DPM1: variants seen among roughly 807,000 people sequenced by gnomAD.
DPM1 encodes dolichyl-phosphate mannosyltransferase subunit 1, catalytic.
A neutral mutation model predicts 39.0 loss-of-function variants in DPM1; 27 were observed. That is an observed-to-expected ratio of 0.69 (90% CI 0.51 to 0.95). The LOEUF is 0.95. Ranked by LOEUF, DPM1 falls within the 40% of genes least tolerant of loss-of-function variation. DPM1 has a pLI of 0.00. For synonymous variants in DPM1, 124 were observed against 109.0 expected, an observed-to-expected ratio of 1.14 and a Z score of -0.86; for missense variants, 307 against 315.6, an observed-to-expected ratio of 0.97 and a Z score of 0.21.
intron 5 of DPM1, among the ~76,000 whole-genome samples, chr20:50,943,188 T>G (rs1601036669): frequency 6.6e-6 from 1 of 151,844 alleles, no homozygotes; most frequent in African/African-American, 2.4e-5. Context: ...ACAAAAACAA[T>G]GCAAATCATG....
chr20:50,941,497 A>G (rs1985821249), intron 6 of DPM1, among the ~76,000 whole-genome samples: 1 of 150,612 alleles, frequency 6.6e-6, no homozygotes, highest in African/African-American at 2.4e-5. Context: ...AGATCACCTG[A>G]GCTCAGGAGT....
In DPM1 at chr20:50,955,172, T is replaced by G; in HGVS notation, c.261+14A>C. On this transcript the variant is annotated intron_variant, in intron 2 of 8. Coordinates refer to ENST00000371588, the MANE Select transcript of DPM1 (RefSeq NM_003859.3). ...TCACAATTCATATCACAGAAAAATG[T>G]TCTTATAACTTACAATTCTGTCTGA... 6.3e-7 allele frequency: 1 copy of G among 1,578,650 alleles called. No individual in the cohort carries two copies. The highest frequency in any genetic ancestry group is 8.7e-7 in the Non-Finnish European group (1 of 1,149,216).
At chr20:50,945,173 G>C (rs1986184990) in intron 5 of DPM1, 1 of 154,374 alleles carries the variant, frequency 6.5e-6, no homozygotes, top group African/African-American at 2.4e-5. Flanking sequence ...CCATTTATCA[G>C]AGAAGCCATC....
intron 6 of DPM1, 60 bp from the exon 7 acceptor site, chr20:50,940,993 C>A: frequency 6.9e-7 from 1 of 1,452,326 alleles, no homozygotes; most frequent in Non-Finnish European, 9.7e-7. Context: ...AAGAGAAACA[C>A]ATCGAAGAAC....
intron 6 of DPM1, 47 bp downstream of exon 6, chr20:50,941,984 A>G: frequency 1.3e-6 from 2 of 1,489,266 alleles, no homozygotes. Context: ...CTATGAATAC[A>G]TTTCCAGTAG....
intron 3 of DPM1, among the ~76,000 whole-genome samples, chr20:50,947,771 G>A (rs558031056): frequency 6.6e-6 from 1 of 152,234 alleles, no homozygotes; most frequent in African/African-American, 2.4e-5. Context: ...TGGGATTATA[G>A]ATGCGCGTCA....
rs1414358670 is a variant in DPM1 at position 50,934,990 on chromosome 20, T to A, written c.*142A>T. On this transcript the variant is annotated 3_prime_UTR_variant, in exon 9 of 9. Coordinates refer to ENST00000371588, the MANE Select transcript of DPM1 (RefSeq NM_003859.3). ...AAATTATTTAATTTGAAATATAAAATAGGTGGTCTTCATAAAAAGATGCAT... is the reference window on the plus strand; with the variant it reads ...AAATTATTTAATTTGAAATATAAAAAAGGTGGTCTTCATAAAAAGATGCAT... The A allele has an allele frequency of 3.4e-6, 2 of 593,384 alleles. No homozygotes were observed. Among genetic ancestry groups the A allele is most frequent in the Admixed American group, 3.3e-5 (1 of 30,236 alleles). The allele number at this position is 593,384 out of a possible 1,614,324, so 36.8% of individuals were successfully genotyped here.
intron 1 of DPM1, among the ~76,000 whole-genome samples, chr20:50,957,853 T>G (rs1001747661): frequency 1.3e-5 from 2 of 151,972 alleles, no homozygotes; most frequent in Non-Finnish European, 1.5e-5. Context: ...ACACCAAACA[T>G]CCACCAGTGA....
intron 3 of DPM1, among the ~76,000 whole-genome samples, chr20:50,947,500 T>A (rs1197421045): frequency 1.3e-5 from 2 of 152,258 alleles, no homozygotes; most frequent in Non-Finnish European, 2.9e-5. Flanking sequence ...GTCTTCAAGA[T>A]AGCAGACTCC....
chr20:50,935,599 G>C (rs1048599142), intron 8 of DPM1, among the ~76,000 whole-genome samples: 4 of 152,190 alleles, frequency 2.6e-5, no homozygotes, highest in African/African-American at 9.7e-5. Flanking sequence ...CAATGGTTTA[G>C]CATTAAGTAA....
intron 3 of DPM1, 130 bp downstream of exon 3, chr20:50,948,499 C>T (rs1041527850): frequency 1.9e-5 from 18 of 929,990 alleles, no homozygotes; most frequent in Non-Finnish European, 2.9e-5. Flanking sequence ...ATTTAAATGT[C>T]ATTAAGATCA....
chr20:50,958,534 A>C, upstream of DPM1: 1 of 1,613,122 alleles, frequency 6.2e-7, no homozygotes, highest in Non-Finnish European at 8.5e-7. Context: ...GGCGGAACTG[A>C]GCCAGATGCC....
intron 1 of DPM1, 25 bp downstream of exon 1, chr20:50,958,338 C>A (rs1310539346): frequency 1.2e-6 from 2 of 1,611,046 alleles, no homozygotes; most frequent in African/African-American, 2.7e-5. Context: ...TCTCATTCTT[C>A]GGGGAGGGAG....
intron 5 of DPM1, among the ~76,000 whole-genome samples, chr20:50,943,225 G>C (rs1314548400): frequency 1.4e-4 from 22 of 152,186 alleles, no homozygotes; most frequent in Non-Finnish European, 1.5e-5. Flanking sequence ...TACAGGTCAA[G>C]AGAGCTCTTT....
intron 3 of DPM1, among the ~76,000 whole-genome samples, chr20:50,946,234 T>A (rs1986276111): frequency 6.6e-6 from 1 of 152,244 alleles, no homozygotes; most frequent in African/African-American, 2.4e-5. Context: ...TATCACATTC[T>A]CATGCTTTAA....
chr20:50,956,503 G>A (rs1387546518), intron 1 of DPM1, among the ~76,000 whole-genome samples: 5 of 149,950 alleles, frequency 3.3e-5, no homozygotes, highest in Admixed American at 3.3e-4. Context: ...TCCAGCCTGG[G>A]CAACAGAGCA....
chr20:50,956,812 C>G (rs1392883068), intron 1 of DPM1, among the ~76,000 whole-genome samples: 1 of 152,122 alleles, frequency 6.6e-6, no homozygotes, highest in Admixed American at 6.5e-5. Flanking sequence ...TCGTTAAAAG[C>G]AAATTACTGT....
intron 2 of DPM1, among the ~76,000 whole-genome samples, chr20:50,949,140 T>G (rs1986451161): frequency 6.6e-6 from 1 of 152,234 alleles, no homozygotes; most frequent in Non-Finnish European, 1.5e-5. Context: ...ATTACAGGCA[T>G]GAGTCACCGC....
In DPM1 at chr20:50,958,340, G is replaced by C. The variant is rs1568776870; in HGVS notation, c.161+23C>G. On this transcript the variant is annotated intron_variant, in intron 1 of 8. Coordinates refer to ENST00000371588, the MANE Select transcript of DPM1 (RefSeq NM_003859.3). ...GGAAGCCAGCTCATCTCATTCTTCG[G>C]GGAGGGAGACCTGGTGCGCTACCTC... is the stretch of plus-strand genomic sequence containing the variant. 1.9e-6 allele frequency: 3 copies of C among 1,611,586 alleles called. No individual in the cohort carries two copies. The South Asian group carries it at 3.3e-5, about 18-fold the overall frequency.
Sources: allele counts gnomAD v4.1 joint callset (sites outside exome capture counted in the v4.1 genomes callset), GRCh38; gene constraint gnomAD v4.1.1; transcripts MANE v1.5; gene names NCBI Gene and HGNC (gene_info 2026-07-23, HGNC 2026-07-21).